XRCC5: variants seen among roughly 807,000 people sequenced by gnomAD.
XRCC5 encodes X-ray repair cross complementing 5.
A neutral mutation model predicts 95.7 loss-of-function variants in XRCC5; 12 were observed. The observed-to-expected ratio is 0.13, with a 90% CI of 0.08 to 0.20. XRCC5 has a LOEUF of 0.20. Among genes scored for constraint, XRCC5 ranks in the 10% least tolerant of loss-of-function variants. XRCC5 has a pLI of 1.00. For synonymous variants in XRCC5, 281 were observed against 290.3 expected, an observed-to-expected ratio of 0.97 and a Z score of 0.33; for missense variants, 595 against 873.9, an observed-to-expected ratio of 0.68 and a Z score of 4.02.
intron 14 of XRCC5, among the ~76,000 whole-genome samples, chr2:216,149,298 A>G (rs1159727405): frequency 6.6e-6 from 1 of 150,508 alleles, no homozygotes; most frequent in Non-Finnish European, 1.5e-5. Context: ...GTCAGAATTG[A>G]AAAAAAAAAT....
chr2:216,185,459 G>T (rs1238681284), intron 16 of XRCC5, among the ~76,000 whole-genome samples: 1 of 152,188 alleles, frequency 6.6e-6, no homozygotes, highest in Non-Finnish European at 1.5e-5. Flanking sequence ...CTTAAACAAT[G>T]ATTATAATTT....
Position 216,135,229 on chromosome 2 carries a change from G to A in XRCC5, c.1114-1859G>A, listed in dbSNP as rs1254873302. 5.3e-5 allele frequency among the ~76,000 whole-genome samples: 8 copies of A among 152,180 alleles called. 1 individual carries two copies. The South Asian group carries it at 1.7e-3, about 32-fold the overall frequency. ...TGGGGAGTTTCTGCAGAGAGAGAGA[G>A]AGAGCTGACTAAGGTAAATCTGGAA... On this transcript the variant is annotated intron_variant, in intron 10 of 20. Coordinates refer to ENST00000392132, the MANE Select transcript of XRCC5 (RefSeq NM_021141.4).
intron 2 of XRCC5, among the ~76,000 whole-genome samples, chr2:216,113,776 G>A (rs192634838): frequency 1.6e-4 from 24 of 152,326 alleles, no homozygotes; most frequent in Middle Eastern, 3.4e-3. Context: ...ATCTCTACAT[G>A]TGGTTTCTGT....
intron 17 of XRCC5, among the ~76,000 whole-genome samples, chr2:216,191,027 T>G (rs1377241023): frequency 6.6e-6 from 1 of 152,158 alleles, no homozygotes; most frequent in African/African-American, 2.4e-5. Flanking sequence ...ATAATTTAGG[T>G]GCTTACAAAG....
At position 216,205,341 on chromosome 2, in the gene XRCC5, C is replaced by G; in HGVS notation, c.*139C>G. The G allele has an allele frequency of 1.0e-6, 1 of 960,998 alleles. No individual in the cohort carries two copies. The highest frequency in any genetic ancestry group is 1.7e-6 in the Non-Finnish European group (1 of 590,920). The allele number at this position is 960,998 out of a possible 1,614,324, so 59.5% of individuals were successfully genotyped here. ...AGCAGGTTACCTGGAGGCGGATCAT[C>G]TAATTCTCTGTGGAATGAATACACA... On this transcript the variant is annotated 3_prime_UTR_variant, in exon 21 of 21. Coordinates refer to ENST00000392132, the MANE Select transcript of XRCC5 (RefSeq NM_021141.4).
chr2:216,121,054 A>G (rs1018655273), intron 5 of XRCC5, among the ~76,000 whole-genome samples: 11 of 152,150 alleles, frequency 7.2e-5, no homozygotes, highest in African/African-American at 2.7e-4. Flanking sequence ...AGTTTCTTCT[A>G]CTGACTACTG....
At chr2:216,166,521 C>T (rs933496211) in intron 16 of XRCC5, among the ~76,000 whole-genome samples, 7 of 152,114 alleles carry the variant, frequency 4.6e-5, no homozygotes, top group African/African-American at 1.7e-4. Context: ...CACATCATTG[C>T]CATCATCTGG....
Position 216,190,272 on chromosome 2 carries a change from G to A in XRCC5, c.1882G>A (p.Glu628Lys). Reference protein sequence around the residue: ...NHIEQFLDTNETPYFMKSIDC... With the variant: ...NHIEQFLDTNKTPYFMKSIDC... ...CATCGAACAGTTTTTGGATACTAAT[G>A]AAACACCGTATTTTATGAAGAGCAT... The change falls in exon 17 of 21, where the codon GAA becomes AAA. Residue 628 changes from glutamate to lysine, a missense_variant. Transcript: ENST00000392132. 6.2e-7 allele frequency: 1 copy of A among 1,613,958 alleles called. No homozygotes were observed. Among genetic ancestry groups the A allele is most frequent in the Non-Finnish European group, 8.5e-7 (1 of 1,179,930 alleles).
At chr2:216,156,307 A>T in intron 14 of XRCC5, 1 of 609,674 alleles carries the variant, frequency 1.6e-6, no homozygotes, top group East Asian at 3.9e-5. Context: ...GGCAGGAAGC[A>T]GAAGCAATAT....
intron 4 of XRCC5, among the ~76,000 whole-genome samples, chr2:216,118,620 T>C (rs1258463946): frequency 6.6e-6 from 1 of 152,250 alleles, no homozygotes; most frequent in Non-Finnish European, 1.5e-5. Flanking sequence ...TAATCATTTC[T>C]CAATCTCTGT....
intron 16 of XRCC5, among the ~76,000 whole-genome samples, chr2:216,170,669 T>C (rs1689147626): frequency 6.6e-6 from 1 of 152,202 alleles, no homozygotes; most frequent in East Asian, 1.9e-4. Flanking sequence ...TCAGCTTGCA[T>C]CAATGACTTG....
chr2:216,169,560 T>G (rs1401259294), intron 16 of XRCC5, among the ~76,000 whole-genome samples: 2 of 152,214 alleles, frequency 1.3e-5, no homozygotes, highest in South Asian at 4.1e-4. Flanking sequence ...CTTTTTTAGC[T>G]GCTTAAGAAA....
intron 13 of XRCC5, among the ~76,000 whole-genome samples, chr2:216,146,766 T>C (rs1688643499): frequency 6.6e-6 from 1 of 152,162 alleles, no homozygotes; most frequent in Admixed American, 6.5e-5. Context: ...TTCACTCACA[T>C]GGGCAGTGGA....
intron 16 of XRCC5, among the ~76,000 whole-genome samples, chr2:216,168,556 A>G (rs995454269): frequency 5.3e-5 from 8 of 152,234 alleles, no homozygotes; most frequent in African/African-American, 1.7e-4. Context: ...AATCCTTTTA[A>G]GTTCCTGTCA....
At chr2:216,116,918 C>T (rs1380738869) in intron 3 of XRCC5, 76 bp downstream of exon 3, 38 of 1,509,460 alleles carry the variant, frequency 2.5e-5, no homozygotes, top group Non-Finnish European at 3.1e-5. Context: ...TGATGAGACA[C>T]CCCCAGAGTT....
intron 16 of XRCC5, chr2:216,175,818 G>A: frequency 2.3e-6 from 1 of 436,782 alleles, no homozygotes; most frequent in Non-Finnish European, 4.4e-6. Context: ...TTTGCTTGGG[G>A]TTCTGTCATT....
intron 14 of XRCC5, among the ~76,000 whole-genome samples, chr2:216,153,761 A>C (rs2106022646): frequency 6.6e-6 from 1 of 152,280 alleles, no homozygotes; most frequent in South Asian, 2.1e-4. Context: ...TCAAACTGTA[A>C]TGCCACTTTG....
At chr2:216,204,903 G>T (rs41296833) in intron 20 of XRCC5, among the ~76,000 whole-genome samples, 5,215 of 152,194 alleles carry the variant, frequency 0.034, 121 homozygotes, top group Middle Eastern at 0.099. Flanking sequence ...AATGTCTTTT[G>T]TATCTATCCT....
chr2:216,125,846 T>A, intron 6 of XRCC5, 71 bp from the exon 7 acceptor site: 1 of 1,239,304 alleles, frequency 8.1e-7, no homozygotes, highest in Non-Finnish European at 1.2e-6. Flanking sequence ...TTGTAGAAAA[T>A]CAAATGCATC....
Sources: allele counts gnomAD v4.1 joint callset (sites outside exome capture counted in the v4.1 genomes callset), GRCh38; gene constraint gnomAD v4.1.1; transcripts MANE v1.5; gene names NCBI Gene and HGNC (gene_info 2026-07-23, HGNC 2026-07-21).